CA5A: variants seen among roughly 807,000 people sequenced by gnomAD.
CA5A encodes the protein carbonic anhydrase 5A.
Under a neutral mutation model 37.1 loss-of-function variants are expected in CA5A, and 28 were observed. The observed-to-expected ratio is 0.75, with a 90% CI of 0.56 to 1.03. The LOEUF (loss-of-function observed/expected upper bound fraction) is 1.03, where lower values mean the gene tolerates loss of function less well. CA5A is among the 50% of genes least tolerant of loss of function. The pLI, the probability that CA5A is intolerant of heterozygous loss-of-function variation, is 0.00. For synonymous variants in CA5A, 171 were observed against 158.4 expected (o/e 1.08, Z -0.60); for missense variants, 444 against 399.9 (o/e 1.11, Z -0.94).
chr16:87,923,783 A>G (rs2144053471), intron 2 of CA5A: 1 of 985,274 alleles, frequency 1.0e-6, no homozygotes, highest in African/African-American at 1.7e-5. Flanking sequence ...TGAGACCCAC[A>G]GCCACATCTA....
At chr16:87,889,728 G>A (rs1307082666) in intron 6 of CA5A, among the ~76,000 whole-genome samples, 4 of 151,866 alleles carry the variant, frequency 2.6e-5, no homozygotes, top group South Asian at 2.1e-4. Flanking sequence ...GCGAGATCAC[G>A]CCATTGCACT....
chr16:87,906,492 T>TGGC (rs1227060449), intron 2 of CA5A, among the ~76,000 whole-genome samples: 1 of 152,030 alleles, frequency 6.6e-6, no homozygotes, highest in African/African-American at 2.4e-5. Flanking sequence ...CTGGGTGTGG[T>TGGC]GGCGGGTGCC....
At position 87,888,283 on chromosome 16, in the gene CA5A, G is replaced by A. The variant is rs1320805669; in HGVS notation, c.775-11C>T. ...ACGAAATGCAGAGAGCTGGAATAGA[G>A]GGCAGCCAGGGTGAGCTTGGTATGA... On this transcript the variant is annotated splice_polypyrimidine_tract_variant and intron_variant, in intron 6 of 6. Coordinates refer to ENST00000649794, the MANE Select transcript of CA5A (RefSeq NM_001739.2). 1.2e-6 allele frequency: 2 copies of A among 1,608,456 alleles called. No homozygotes were observed. The highest frequency in any genetic ancestry group is 1.7e-6 in the Non-Finnish European group (2 of 1,176,022).
rs377551001 is a variant in CA5A, at chr16:87,924,931, G to T, written c.340+1817C>A. On this transcript the variant is annotated intron_variant, in intron 2 of 6. Coordinates refer to ENST00000649794, the MANE Select transcript of CA5A (RefSeq NM_001739.2). The stretch of plus-strand genomic sequence containing the variant: ...TTCTCTCCCTGCAGCCTTTGCAGTG[G>T]CCATCCCTTCTCTCCCCAATCACAG... 2.6e-4 allele frequency among the ~76,000 whole-genome samples: 39 copies of T among 152,338 alleles called. No homozygotes were observed. The South Asian group carries it at 7.7e-3, about 30-fold the overall frequency.
At chr16:87,921,084 C>T (rs2056223592) in intron 2 of CA5A, among the ~76,000 whole-genome samples, 2 of 152,130 alleles carry the variant, frequency 1.3e-5, no homozygotes. Context: ...TGAGCCACTG[C>T]ACCCGGCCAA....
chr16:87,921,694 G>C (rs2056232641), intron 2 of CA5A, among the ~76,000 whole-genome samples: 1 of 152,258 alleles, frequency 6.6e-6, no homozygotes, highest in East Asian at 1.9e-4. Context: ...GGAGGCAGGA[G>C]GATGGAAGCC....
intron 2 of CA5A, among the ~76,000 whole-genome samples, chr16:87,912,163 G>A (rs1461948971): frequency 2.6e-5 from 4 of 152,076 alleles, no homozygotes; most frequent in East Asian, 1.9e-4. Flanking sequence ...TTAGCTGGGC[G>A]TGGTGGCACG....
intron 4 of CA5A, chr16:87,882,584 G>A (rs377274102): frequency 2.6e-5 from 4 of 152,198 alleles, no homozygotes; most frequent in African/African-American, 9.7e-5. Flanking sequence ...CCAGACCAAC[G>A]GCGCTGCGAG....
chr16:87,930,163 G>T (rs982853713), intron 1 of CA5A, among the ~76,000 whole-genome samples: 2 of 152,144 alleles, frequency 1.3e-5, no homozygotes, highest in Non-Finnish European at 2.9e-5. Context: ...ATCTCAGCAG[G>T]GGGTTGGTCA....
chr16:87,902,414 C>G lies in CA5A; in HGVS notation c.555+11G>C. On this transcript the variant is annotated intron_variant, in intron 4 of 6. Coordinates refer to ENST00000649794, the MANE Select transcript of CA5A (RefSeq NM_001739.2). Reference sequence around the variant, plus strand: ...TTTCTTCATTAGATCTACACCCGAGCAAGTGATTACCTTTAAAAACACGCC... The same window carrying G: ...TTTCTTCATTAGATCTACACCCGAGGAAGTGATTACCTTTAAAAACACGCC... The G allele has an allele frequency of 1.3e-6, 2 of 1,541,128 alleles. No individual in the cohort carries two copies. Among genetic ancestry groups the G allele is most frequent in the Non-Finnish European group, 1.8e-6 (2 of 1,113,842 alleles).
chr16:87,923,844 G>A (rs2056263885), intron 2 of CA5A: 2 of 984,670 alleles, frequency 2.0e-6, no homozygotes, highest in Admixed American at 6.2e-5. Flanking sequence ...CTGTATCCAT[G>A]ACAACTATTG....
intron 2 of CA5A, among the ~76,000 whole-genome samples, chr16:87,921,189 A>G (rs1281456041): frequency 1.3e-5 from 2 of 152,158 alleles, no homozygotes; most frequent in Non-Finnish European, 2.9e-5. Context: ...TCAGCCTCCC[A>G]AAGTGTTGGG....
At chr16:87,908,989 ATTT>A (rs60201296) in intron 2 of CA5A, among the ~76,000 whole-genome samples, 1 of 139,362 alleles carries the variant, frequency 7.2e-6, no homozygotes, top group African/African-American at 2.7e-5. Flanking sequence ...ACACCCGGCT[ATTT>A]TTTTTTTTTT....
Position 87,896,219 on chromosome 16 carries a change from G to A in CA5A, c.619-4265C>T, listed in dbSNP as rs116114851. Among the ~76,000 whole-genome samples, 526 of 152,312 alleles carry A rather than the reference G, an allele frequency of 3.5e-3. 6 individuals are homozygous for A. The highest frequency in any genetic ancestry group is 0.012 in the African/African-American group (508 of 41,572). On this transcript the variant is annotated intron_variant, in intron 5 of 6. Coordinates refer to ENST00000649794, the MANE Select transcript of CA5A (RefSeq NM_001739.2). ...TGAGGCCTGGCCCGTTCCGAGGTGC[G>A]GGCTCTTCCTTCCCTCCCCAAGGCT...
chr16:87,888,022 GCTCT>G lies in CA5A; in HGVS notation c.*103_*106del. On this transcript the variant is annotated 3_prime_UTR_variant, in exon 7 of 7. Transcript: ENST00000649794. The stretch of plus-strand genomic sequence containing the variant: ...ACTTCGACTAAAACAATAACCTCAT[GCTCT>G]CTTTTTAATTTCAGAAGTCATGTAC... The G allele has an allele frequency of 2.0e-6, 3 of 1,467,890 alleles. No homozygotes were observed. Among genetic ancestry groups the G allele is most frequent in the East Asian group, 4.6e-5 (2 of 43,214 alleles). 90.9% of individuals were successfully genotyped at this position (1,467,890 alleles called of 1,614,324 possible).
intron 2 of CA5A, among the ~76,000 whole-genome samples, chr16:87,905,628 G>A (rs1349051964): frequency 2.0e-5 from 3 of 152,202 alleles, no homozygotes; most frequent in Non-Finnish European, 4.4e-5. Context: ...CAAAGCGCTG[G>A]GATGACAGGT....
At chr16:87,907,133 G>A (rs530592654) in intron 2 of CA5A, among the ~76,000 whole-genome samples, 4 of 152,176 alleles carry the variant, frequency 2.6e-5, no homozygotes, top group Non-Finnish European at 4.4e-5. Flanking sequence ...CAGGAGAATC[G>A]CTTGAACCTG....
intron 5 of CA5A, among the ~76,000 whole-genome samples, chr16:87,895,109 G>A (rs1430392183): frequency 6.6e-6 from 1 of 152,052 alleles, no homozygotes; most frequent in Admixed American, 6.6e-5. Flanking sequence ...AACTAGCCAG[G>A]TGCAGTGGTG....
chr16:87,915,647 C>T (rs985417805), intron 2 of CA5A, among the ~76,000 whole-genome samples: 1 of 130,966 alleles, frequency 7.6e-6, no homozygotes, highest in African/African-American at 2.9e-5. Context: ...TGTGATTGCA[C>T]CACTGCACTG....
Sources: gnomAD v4.1 joint callset for allele counts (sites outside exome capture counted in the v4.1 genomes callset) on GRCh38, gnomAD v4.1.1 for gene constraint, MANE v1.5 for transcripts, NCBI Gene and HGNC (gene_info 2026-07-23, HGNC 2026-07-21) for gene names.